SETBP1: variants seen among roughly 807,000 people sequenced by gnomAD.
SETBP1 encodes the protein SET binding protein 1.
A neutral mutation model predicts 101.0 loss-of-function variants in SETBP1; 9 were observed. That is an observed-to-expected ratio of 0.09 (90% CI 0.05 to 0.16). The LOEUF (loss-of-function observed/expected upper bound fraction) is 0.16. SETBP1 is among the 10% of genes least tolerant of loss of function. The pLI is 1.00. For synonymous variants in SETBP1, 818 were observed against 788.5 expected (o/e 1.04, Z -0.63); for missense variants, 1,858 against 2,033.8 (o/e 0.91, Z 1.66).
chr18:44,856,931 C>T (rs1385479429), intron 2 of SETBP1, among the ~76,000 whole-genome samples: 5 of 152,308 alleles, frequency 3.3e-5, no homozygotes, highest in African/African-American at 9.6e-5. Flanking sequence ...CGTGTAGCAA[C>T]GGTTCTTATG....
At chr18:44,840,732 G>C (rs1251602402) in intron 2 of SETBP1, among the ~76,000 whole-genome samples, 2 of 152,176 alleles carry the variant, frequency 1.3e-5, no homozygotes, top group South Asian at 4.1e-4. Flanking sequence ...ATTGTAAGAA[G>C]TATTTTAGAA....
intron 1 of SETBP1, among the ~76,000 whole-genome samples, chr18:44,694,471 C>G (rs1240744710): frequency 6.6e-6 from 1 of 152,212 alleles, no homozygotes; most frequent in Non-Finnish European, 1.5e-5. Flanking sequence ...TTCAGCCTCC[C>G]AAAGTGCTGG....
intron 2 of SETBP1, among the ~76,000 whole-genome samples, chr18:44,776,570 T>C (rs1164314087): frequency 6.6e-6 from 1 of 152,190 alleles, no homozygotes; most frequent in Non-Finnish European, 1.5e-5. Flanking sequence ...AAAGTGTGTG[T>C]TAAGAAGCTT....
rs781065090 is a variant in SETBP1, at chr18:44,952,185, G to A, written c.2845G>A (p.Asp949Asn). The change falls in exon 4 of 6, where the codon GAT becomes AAT. Residue 949 changes from aspartate to asparagine, a missense_variant. Physicochemically the swap from Asp to Asn is conservative, Grantham distance 23. This residue lies in a region of SETBP1 where 255 missense variants were observed against 300.1 expected (regional missense o/e 0.85). Coordinates refer to ENST00000649279, the MANE Select transcript of SETBP1 (RefSeq NM_015559.3). ...KRKRKSLQNR[D>N]DLQFLADLEE... is the part of the protein sequence containing the mutation. ...GAAACGGAAAAGCCTGCAAAACCGC[G>A]ATGACCTCCAGTTTCTGGCAGACCT... is the stretch of plus-strand genomic sequence containing the variant. 13 of 1,614,008 alleles carry A rather than the reference G, an allele frequency of 8.1e-6. No homozygotes were observed. In the East Asian group the frequency reaches 1.1e-4, roughly 14 times the overall value.
chr18:44,717,841 G>T (rs1376930545), intron 2 of SETBP1, among the ~76,000 whole-genome samples: 6 of 152,130 alleles, frequency 3.9e-5, no homozygotes, highest in Non-Finnish European at 8.8e-5. Context: ...GGTCAGAGAG[G>T]TTGAAGTTTT....
chr18:44,682,693 G>T (rs1326765652), intron 1 of SETBP1, among the ~76,000 whole-genome samples: 1 of 152,158 alleles, frequency 6.6e-6, no homozygotes, highest in East Asian at 1.9e-4. Context: ...ATCAAGTGTG[G>T]TTAAACAGAG....
chr18:44,720,404 T>G (rs1418078200), intron 2 of SETBP1, among the ~76,000 whole-genome samples: 1 of 152,228 alleles, frequency 6.6e-6, no homozygotes, highest in Non-Finnish European at 1.5e-5. Flanking sequence ...TAGCCGCTGC[T>G]GTAGGTATCC....
chr18:44,804,254 C>T (rs1419031122), intron 2 of SETBP1, among the ~76,000 whole-genome samples: 1 of 152,062 alleles, frequency 6.6e-6, no homozygotes, highest in African/African-American at 2.4e-5. Context: ...TATTTCCATT[C>T]AGGTTATGAG....
chr18:45,064,089 A>C lies in SETBP1; in HGVS notation c.*391A>C. 2 of 175,560 alleles carry C rather than the reference A, an allele frequency of 1.1e-5. No individual in the cohort carries two copies. Among genetic ancestry groups the C allele is most frequent in the Non-Finnish European group, 2.4e-5 (2 of 82,762 alleles). The allele number at this position is 175,560 out of a possible 1,614,324, so 10.9% of individuals were successfully genotyped here. A position where few individuals can be genotyped will look rare whatever the true frequency, so the allele number is the denominator to read the frequency against. On this transcript the variant is annotated 3_prime_UTR_variant, in exon 6 of 6. Transcript: ENST00000649279. ...GAAAATCGAAAGGGAAACACCCTCA[A>C]TTAGGAAACATTCCAAGGGGAGAAA... is the stretch of plus-strand genomic sequence containing the variant.
intron 2 of SETBP1, among the ~76,000 whole-genome samples, chr18:44,779,908 C>T (rs924832774): frequency 2.0e-5 from 3 of 151,246 alleles, no homozygotes; most frequent in African/African-American, 7.3e-5. Flanking sequence ...AATTGCAGCC[C>T]CGAACACACA....
chr18:44,737,246 G>T lies in SETBP1; in HGVS notation c.486+35414G>T, dbSNP rs538180452. On this transcript the variant is annotated intron_variant, in intron 2 of 5. Coordinates refer to ENST00000649279, the MANE Select transcript of SETBP1 (RefSeq NM_015559.3). ...TGATCCAGCAGTAACAGCTTTCACTGTCAGGCACAAACTTCTTGGCTGACT... is the reference window on the plus strand; with the variant it reads ...TGATCCAGCAGTAACAGCTTTCACTTTCAGGCACAAACTTCTTGGCTGACT... Among the ~76,000 whole-genome samples the T allele has an allele frequency of 2.0e-5, 3 of 152,314 alleles. No homozygotes were observed. In the East Asian group the frequency reaches 5.8e-4, roughly 29 times the overall value.
In SETBP1 at chr18:44,786,583, G is replaced by A. The variant is rs372684443; in HGVS notation, c.487-82647G>A. Among the ~76,000 whole-genome samples, 63 of 152,308 alleles carry A rather than the reference G, an allele frequency of 4.1e-4. 2 individuals are homozygous for A. In the South Asian group the frequency reaches 0.013, roughly 31 times the overall value. On this transcript the variant is annotated intron_variant, in intron 2 of 5. Coordinates refer to ENST00000649279, the MANE Select transcript of SETBP1 (RefSeq NM_015559.3). ...TTCTTGGTAAAGATCAAGGGTAACA[G>A]GGAAGGGAAAGATTCCATGTAGGAC...
chr18:44,705,634 C>T lies in SETBP1; in HGVS notation c.486+3802C>T, dbSNP rs533068715. 5.3e-5 allele frequency among the ~76,000 whole-genome samples: 8 copies of T among 152,186 alleles called. No homozygotes were observed. The South Asian group carries it at 1.0e-3, about 20-fold the overall frequency. On this transcript the variant is annotated intron_variant, in intron 2 of 5. Transcript: ENST00000649279. Reference sequence around the variant, plus strand: ...CTTATATGGGATCCCAAATGATTTTCGTTTTCATTGGTGTTTGAAAAGAAA... The same window carrying T: ...CTTATATGGGATCCCAAATGATTTTTGTTTTCATTGGTGTTTGAAAAGAAA...
At chr18:44,781,503 C>A (rs1301641331) in intron 2 of SETBP1, among the ~76,000 whole-genome samples, 1 of 149,280 alleles carries the variant, frequency 6.7e-6, no homozygotes, top group Non-Finnish European at 1.5e-5. Flanking sequence ...CTCCCTCTCC[C>A]CCCCACCCCC....
intron 2 of SETBP1, among the ~76,000 whole-genome samples, chr18:44,725,481 T>A (rs2069686512): frequency 6.6e-6 from 1 of 152,184 alleles, no homozygotes; most frequent in South Asian, 2.1e-4. Flanking sequence ...GACTCAACCA[T>A]AACCAGCCTG....
chr18:44,757,434 C>T (rs1002020919), intron 2 of SETBP1, among the ~76,000 whole-genome samples: 12 of 152,194 alleles, frequency 7.9e-5, no homozygotes, highest in Non-Finnish European at 1.5e-5. Context: ...CAGATTCAAT[C>T]CGCACTAGCC....
chr18:44,890,528 A>G (rs575041748), intron 3 of SETBP1, among the ~76,000 whole-genome samples: 1 of 152,162 alleles, frequency 6.6e-6, no homozygotes, highest in South Asian at 2.1e-4. Context: ...GTTTGTATAG[A>G]TCCTATGGAC....
At chr18:44,685,828 C>T (rs753415418) in intron 1 of SETBP1, among the ~76,000 whole-genome samples, 1 of 152,150 alleles carries the variant, frequency 6.6e-6, no homozygotes, top group South Asian at 2.1e-4. Context: ...ATAATTCAAC[C>T]GATGTCCATA....
intron 5 of SETBP1, among the ~76,000 whole-genome samples, chr18:45,041,297 C>A (rs2073503793): frequency 6.6e-6 from 1 of 152,088 alleles, no homozygotes; most frequent in South Asian, 2.1e-4. Flanking sequence ...AAGCCAAGCA[C>A]AAAGTAGGTA....
Sources: allele counts gnomAD v4.1 joint callset (sites outside exome capture counted in the v4.1 genomes callset), GRCh38; gene constraint gnomAD v4.1.1; regional missense constraint gnomAD v4.1.1; transcripts MANE v1.5; gene names NCBI Gene and HGNC (gene_info 2026-07-23, HGNC 2026-07-21).